The following HSF2BP variants were observed in gnomAD, a reference collection of about 807,000 sequenced individuals.
HSF2BP encodes the protein heat shock factor 2-binding protein.
A neutral mutation model predicts 35.0 loss-of-function variants in HSF2BP; 35 were observed. The ratio of observed to expected loss-of-function variants is 1.00; its 90% CI spans 0.76 to 1.32. The LOEUF is 1.32. Among genes scored for constraint, HSF2BP ranks in the 40% most tolerant of loss-of-function variants. The pLI is 0.00. For missense variants in HSF2BP, 326 were observed against 321.7 expected, an observed-to-expected ratio of 1.01 and a Z score of -0.10; for synonymous variants, 114 against 117.4, an observed-to-expected ratio of 0.97 and a Z score of 0.18.
At chr21:43,596,379 T>C (rs1036832973) in intron 7 of HSF2BP, among the ~76,000 whole-genome samples, 3 of 150,388 alleles carry the variant, frequency 2.0e-5, no homozygotes, top group Non-Finnish European at 2.9e-5. Flanking sequence ...CTTGTGATGC[T>C]AGTGAAATAC....
intron 3 of HSF2BP, among the ~76,000 whole-genome samples, chr21:43,655,455 G>A (rs552925427): frequency 2.0e-5 from 3 of 152,320 alleles, no homozygotes; most frequent in Admixed American, 6.5e-5. Context: ...GGGACAGCGA[G>A]GTACCCAGGG....
At chr21:43,588,343 A>G (rs1386721825) in intron 8 of HSF2BP, among the ~76,000 whole-genome samples, 1 of 152,108 alleles carries the variant, frequency 6.6e-6, no homozygotes, top group East Asian at 1.9e-4. Context: ...GCATCACTGC[A>G]CTCCAGCCTG....
At chr21:43,601,334 G>A (rs570483847) in intron 7 of HSF2BP, among the ~76,000 whole-genome samples, 1 of 152,088 alleles carries the variant, frequency 6.6e-6, no homozygotes, top group South Asian at 2.1e-4. Context: ...GAGAGGCACC[G>A]AAAAGGCATC....
At chr21:43,647,279 T>G (rs1460829325) in intron 3 of HSF2BP, among the ~76,000 whole-genome samples, 2 of 152,092 alleles carry the variant, frequency 1.3e-5, no homozygotes, top group Non-Finnish European at 2.9e-5. Flanking sequence ...TCTCTGTCAG[T>G]GCAGTGGCAC....
At chr21:43,593,004 T>C (rs189572934) in intron 7 of HSF2BP, among the ~76,000 whole-genome samples, 3 of 152,292 alleles carry the variant, frequency 2.0e-5, no homozygotes, top group Non-Finnish European at 2.9e-5. Context: ...ATAAAAAGGC[T>C]AGACAAATAT....
At chr21:43,582,563 A>G (rs1297559088) in intron 8 of HSF2BP, among the ~76,000 whole-genome samples, 9 of 43,380 alleles carry the variant, frequency 2.1e-4, no homozygotes, top group Admixed American at 5.6e-4. Flanking sequence ...GGAGATGAGG[A>G]CCTGCTGAGG....
intron 7 of HSF2BP, among the ~76,000 whole-genome samples, chr21:43,604,530 ACAC>A (rs2082099001): frequency 6.8e-6 from 1 of 146,776 alleles, no homozygotes; most frequent in African/African-American, 2.5e-5. Context: ...CCCCACACAC[ACAC>A]CACACACACC....
At chr21:43,600,342 G>A (rs1256457045) in intron 7 of HSF2BP, among the ~76,000 whole-genome samples, 3 of 152,198 alleles carry the variant, frequency 2.0e-5, no homozygotes, top group African/African-American at 7.2e-5. Context: ...AGGAGTATCT[G>A]TGAAGTTCAC....
chr21:43,637,957 G>C (rs1033548336), intron 4 of HSF2BP, among the ~76,000 whole-genome samples: 1 of 152,158 alleles, frequency 6.6e-6, no homozygotes, highest in Admixed American at 6.5e-5. Context: ...CAGGAACAAG[G>C]CAAAGATATC....
chr21:43,617,612 TAA>T (rs1326479045), intron 6 of HSF2BP, among the ~76,000 whole-genome samples: 1 of 151,852 alleles, frequency 6.6e-6, no homozygotes, highest in East Asian at 1.9e-4. Context: ...CATTTTTCAT[TAA>T]AAGTGCTTAT....
At chr21:43,624,206 A>G (rs952588464) in intron 6 of HSF2BP, among the ~76,000 whole-genome samples, 24 of 152,228 alleles carry the variant, frequency 1.6e-4, no homozygotes, top group Admixed American at 2.6e-4. Flanking sequence ...AGCATTATCC[A>G]TAACAGTCAA....
At position 43,578,378 on chromosome 21, in the gene HSF2BP, TTCTC is replaced by T. The variant is rs749943184; in HGVS notation, c.796+13843_796+13846del. 5.9e-5 allele frequency among the ~76,000 whole-genome samples: 9 copies of T among 152,078 alleles called. No individual in the cohort carries two copies. In the South Asian group the frequency reaches 6.2e-4, roughly 11 times the overall value. On this transcript the variant is annotated intron_variant, in intron 8 of 8. Coordinates refer to ENST00000291560, the MANE Select transcript of HSF2BP (RefSeq NM_007031.2). ...GTGTGTGTGTGTGCATTCTCTTTTT[TTCTC>T]TCTCTCTATGAAACTCCCTTCTCTT...
intron 8 of HSF2BP, among the ~76,000 whole-genome samples, chr21:43,584,161 T>G (rs989748198): frequency 6.8e-6 from 1 of 146,850 alleles, no homozygotes; most frequent in Non-Finnish European, 1.5e-5. Context: ...CCGAGGGAGA[T>G]GAAGGGCCTG....
intron 8 of HSF2BP, among the ~76,000 whole-genome samples, chr21:43,589,901 C>A (rs1433067764): frequency 6.6e-6 from 1 of 152,148 alleles, no homozygotes; most frequent in African/African-American, 2.4e-5. Context: ...AAATCATATA[C>A]CTAAACGTGA....
Position 43,583,738 on chromosome 21 carries a change from C to T in HSF2BP, c.796+8487G>A, listed in dbSNP as rs141358872. ...AAAACCTGCTAAGGGAGATGAGGAC[C>T]TGCCGAGGGAGATGAAGGGCCTGCT... is the stretch of plus-strand genomic sequence containing the variant. On this transcript the variant is annotated intron_variant, in intron 8 of 8. Transcript: ENST00000291560. Among the ~76,000 whole-genome samples the T allele has an allele frequency of 1.1e-3, 146 of 132,296 alleles. 1 individual carries two copies. Among genetic ancestry groups the T allele is most frequent in the African/African-American group, 4.1e-3 (141 of 34,116 alleles). The allele number at this position is 132,296 out of a possible 152,430, so 86.8% of individuals were successfully genotyped here. A position where few individuals can be genotyped will look rare whatever the true frequency, so the allele number is the denominator to read the frequency against.
intron 8 of HSF2BP, among the ~76,000 whole-genome samples, chr21:43,576,397 C>T (rs1302609974): frequency 6.6e-6 from 1 of 152,162 alleles, no homozygotes; most frequent in Non-Finnish European, 1.5e-5. Context: ...TCAGTGTCCC[C>T]ACATATAAAC....
intron 7 of HSF2BP, among the ~76,000 whole-genome samples, chr21:43,612,085 G>A (rs1424467523): frequency 6.6e-6 from 1 of 152,088 alleles, no homozygotes; most frequent in Non-Finnish European, 1.5e-5. Context: ...TCTGAAAACA[G>A]GACGACACAC....
the HSF2BP span, among the ~76,000 whole-genome samples, chr21:43,467,807 GCACACCACACACA>G: frequency 5.0e-5 from 2 of 39,860 alleles, no homozygotes; most frequent in Admixed American, 2.8e-4. Context: ...ACATTACACA[GCACACCACACACA>G]CACACCACAC....
chr21:43,586,023 C>CAA (rs2081846252), intron 8 of HSF2BP, among the ~76,000 whole-genome samples: 1 of 152,168 alleles, frequency 6.6e-6, no homozygotes, highest in Non-Finnish European at 1.5e-5. Context: ...TTGTGTTACT[C>CAA]AGACAAGCCA....
Sources: gnomAD v4.1 joint callset for allele counts (sites outside exome capture counted in the v4.1 genomes callset) on GRCh38, gnomAD v4.1.1 for gene constraint, MANE v1.5 for transcripts, NCBI Gene and HGNC (gene_info 2026-07-23, HGNC 2026-07-21) for gene names.